NRXN3: variants seen among roughly 807,000 people sequenced by gnomAD.
The protein encoded by NRXN3 is neurexin 3, also known as neurexin III.
A neutral mutation model predicts 137.6 loss-of-function variants in NRXN3; 32 were observed. The ratio of observed to expected loss-of-function variants is 0.23; its 90% CI spans 0.18 to 0.31. The LOEUF is 0.31. NRXN3 is among the 10% of genes least tolerant of loss of function. The pLI, the probability that NRXN3 is intolerant of heterozygous loss-of-function variation, is 1.00. For missense variants in NRXN3, 1,574 were observed against 2,062.5 expected (o/e 0.76, Z 4.59); for synonymous variants, 798 against 784.5 (o/e 1.02, Z -0.29).
intron 16 of NRXN3, among the ~76,000 whole-genome samples, chr14:79,663,351 A>C (rs1410808231): frequency 1.3e-5 from 2 of 152,080 alleles, no homozygotes; most frequent in East Asian, 3.9e-4. Context: ...CCTTGATCGC[A>C]TGAAAATATG....
intron 10 of NRXN3, among the ~76,000 whole-genome samples, chr14:78,858,041 C>G (rs148748096): frequency 6.6e-6 from 1 of 152,088 alleles, no homozygotes; most frequent in Non-Finnish European, 1.5e-5. Flanking sequence ...GGTACACTTA[C>G]GAAGGAAAGT....
At chr14:79,097,512 G>A (rs1415676650) in intron 15 of NRXN3, among the ~76,000 whole-genome samples, 1 of 152,152 alleles carries the variant, frequency 6.6e-6, no homozygotes, top group Non-Finnish European at 1.5e-5. Flanking sequence ...GACAATGTAA[G>A]CTGAATTGAC....
At chr14:78,426,557 C>T (rs2093673509) in intron 4 of NRXN3, among the ~76,000 whole-genome samples, 1 of 152,150 alleles carries the variant, frequency 6.6e-6, no homozygotes, top group Non-Finnish European at 1.5e-5. Flanking sequence ...GAACAGTTAA[C>T]CCTGGGTGTT....
intron 7 of NRXN3, among the ~76,000 whole-genome samples, chr14:78,711,005 A>C (rs2098402555): frequency 6.6e-6 from 1 of 152,216 alleles, no homozygotes; most frequent in South Asian, 2.1e-4. Context: ...AAATCCCGCC[A>C]CACCCCCCAT....
intron 20 of NRXN3, among the ~76,000 whole-genome samples, chr14:79,832,083 C>T (rs372877320): frequency 1.4e-4 from 21 of 152,210 alleles, no homozygotes; most frequent in African/African-American, 5.1e-4. Context: ...ATATAACTTA[C>T]ACACATACTT....
At chr14:78,395,629 T>C (rs145554206) in intron 4 of NRXN3, among the ~76,000 whole-genome samples, 2 of 152,118 alleles carry the variant, frequency 1.3e-5, no homozygotes, top group East Asian at 1.9e-4. Flanking sequence ...AAAACTCTAA[T>C]TGGATTTATC....
chr14:79,015,233 G>A (rs1167983592), intron 15 of NRXN3, among the ~76,000 whole-genome samples: 2 of 152,086 alleles, frequency 1.3e-5, no homozygotes, highest in Non-Finnish European at 2.9e-5. Flanking sequence ...TGGGGGGTTT[G>A]TTTACCTCTA....
chr14:79,587,832 T>A (rs1270471331), intron 16 of NRXN3, among the ~76,000 whole-genome samples: 1 of 152,206 alleles, frequency 6.6e-6, no homozygotes, highest in Non-Finnish European at 1.5e-5. Context: ...CGGTCTTCAA[T>A]TTTAAATATT....
chr14:78,215,770 G>GC (rs2063199554), intron 1 of NRXN3, among the ~76,000 whole-genome samples: 1 of 87,594 alleles, frequency 1.1e-5, no homozygotes, highest in African/African-American at 4.3e-5. Flanking sequence ...CTGCAGGGGG[G>GC]TGGGGGGGGC....
chr14:78,314,458 T>C (rs1201639189), intron 4 of NRXN3, among the ~76,000 whole-genome samples: 2 of 152,168 alleles, frequency 1.3e-5, no homozygotes, highest in Non-Finnish European at 2.9e-5. Context: ...TTCCGTCCTG[T>C]AGCTTTGTCA....
chr14:78,992,006 T>C (rs985386215), intron 15 of NRXN3, among the ~76,000 whole-genome samples: 1 of 152,226 alleles, frequency 6.6e-6, no homozygotes, highest in Non-Finnish European at 1.5e-5. Flanking sequence ...CTGATATTCT[T>C]TAGAGCTGAT....
intron 4 of NRXN3, among the ~76,000 whole-genome samples, chr14:78,598,028 AC>A (rs1181698797): frequency 6.6e-6 from 1 of 152,230 alleles, no homozygotes; most frequent in Non-Finnish European, 1.5e-5. Flanking sequence ...GCTCTGGGCC[AC>A]CTTGAAGGGC....
At chr14:79,296,232 G>C (rs1342333690) in intron 15 of NRXN3, among the ~76,000 whole-genome samples, 1 of 152,096 alleles carries the variant, frequency 6.6e-6, no homozygotes, top group Admixed American at 6.6e-5. Context: ...AATAGAGTGA[G>C]TGGGCTGAAA....
intron 10 of NRXN3, among the ~76,000 whole-genome samples, chr14:78,845,035 C>G (rs1455037441): frequency 6.6e-6 from 1 of 151,414 alleles, no homozygotes; most frequent in Admixed American, 6.6e-5. Flanking sequence ...AGTAACAAAC[C>G]AGTGATGTCT....
intron 1 of NRXN3, among the ~76,000 whole-genome samples, chr14:78,225,221 G>A (rs1442507380): frequency 1.3e-5 from 2 of 152,266 alleles, no homozygotes; most frequent in Middle Eastern, 3.4e-3. Context: ...CACCAACAGT[G>A]TAAAAGTCTT....
intron 4 of NRXN3, among the ~76,000 whole-genome samples, chr14:78,448,225 A>G (rs2094467309): frequency 6.6e-6 from 1 of 151,900 alleles, no homozygotes; most frequent in Non-Finnish European, 1.5e-5. Context: ...TTTCCTAAAT[A>G]GATTATAAGA....
intron 15 of NRXN3, among the ~76,000 whole-genome samples, chr14:79,278,326 C>G (rs1458513600): frequency 6.6e-6 from 1 of 152,158 alleles, no homozygotes; most frequent in East Asian, 1.9e-4. Context: ...TTTGTCCTTC[C>G]TGCGCATGAG....
chr14:78,386,838 C>T (rs548726085), intron 4 of NRXN3, among the ~76,000 whole-genome samples: 16 of 151,678 alleles, frequency 1.1e-4, no homozygotes, highest in South Asian at 2.1e-4. Flanking sequence ...TGGAGTGCAG[C>T]GGTGCCATCT....
chr14:79,063,442 C>A (rs1250204746), intron 15 of NRXN3, among the ~76,000 whole-genome samples: 2 of 152,030 alleles, frequency 1.3e-5, no homozygotes, highest in African/African-American at 2.4e-5. Context: ...TACCACCATG[C>A]CCGGCTAATT....
Sources: allele counts gnomAD v4.1 joint callset (sites outside exome capture counted in the v4.1 genomes callset), GRCh38; gene constraint gnomAD v4.1.1; transcripts MANE v1.5; gene names NCBI Gene and HGNC (gene_info 2026-07-23, HGNC 2026-07-21).